The following CLUL1 variants were observed in gnomAD, a reference collection of about 807,000 sequenced individuals.
The protein encoded by CLUL1 is clusterin-like protein 1.
A neutral mutation model predicts 49.4 loss-of-function variants in CLUL1; 43 were observed. The ratio of observed to expected loss-of-function variants is 0.87; its 90% confidence interval spans 0.68 to 1.12. The LOEUF is 1.12. Ranked by LOEUF, CLUL1 falls within the 50% of genes most tolerant of loss-of-function variation. The pLI is 0.00. For missense variants in CLUL1, 486 were observed against 544.4 expected, an observed-to-expected ratio of 0.89 and a Z score of 1.07; for synonymous variants, 192 against 184.9, an observed-to-expected ratio of 1.04 and a Z score of -0.31.
intron 9 of CLUL1, among the ~76,000 whole-genome samples, chr18:647,280 G>A (rs1179291771): frequency 6.6e-6 from 1 of 152,160 alleles, no homozygotes; most frequent in African/African-American, 2.4e-5. Context: ...GTGCTGGGAA[G>A]TCCTGCTAAA....
chr18:607,154 G>A, intron 2 of CLUL1, 55 bp downstream of exon 2: 2 of 699,052 alleles, frequency 2.9e-6, no homozygotes, highest in Non-Finnish European at 5.2e-6. Flanking sequence ...TAGAGACAGA[G>A]TCTAGCTCTG....
chr18:609,823 C>CAAAAA (rs10550407), intron 2 of CLUL1, among the ~76,000 whole-genome samples: 3 of 100,738 alleles, frequency 3.0e-5, no homozygotes, highest in African/African-American at 7.4e-5. Context: ...GACTCTGTCT[C>CAAAAA]AAAAAAAAAA....
chr18:627,748 T>A (rs2073853770), intron 6 of CLUL1, among the ~76,000 whole-genome samples: 1 of 151,972 alleles, frequency 6.6e-6, no homozygotes, highest in African/African-American at 2.4e-5. Context: ...CTAGAGCAAA[T>A]TTTCAAAGCA....
intron 1 of CLUL1, among the ~76,000 whole-genome samples, chr18:602,513 A>G (rs1776878847): frequency 6.6e-6 from 1 of 152,164 alleles, no homozygotes; most frequent in African/African-American, 2.4e-5. Flanking sequence ...GGGTTCCTGT[A>G]TCCAATAACA....
intron 1 of CLUL1, among the ~76,000 whole-genome samples, chr18:604,493 T>C (rs1179292788): frequency 6.6e-6 from 1 of 152,256 alleles, no homozygotes; most frequent in Non-Finnish European, 1.5e-5. Flanking sequence ...CAATGCAATG[T>C]GCAGCCAGCA....
intron 1 of CLUL1, among the ~76,000 whole-genome samples, chr18:602,832 A>G (rs2143922408): frequency 6.6e-6 from 1 of 152,320 alleles, no homozygotes; most frequent in East Asian, 1.9e-4. Flanking sequence ...AGGAGGGAAA[A>G]TAAACTACTG....
chr18:606,644 G>A lies in CLUL1; in HGVS notation c.-135-334G>A, dbSNP rs1170340987. Among the ~76,000 whole-genome samples, 4 of 152,014 alleles carry A rather than the reference G, an allele frequency of 2.6e-5. No homozygotes were observed. The highest frequency in any genetic ancestry group is 1.9e-4 in the East Asian group (1 of 5,180). ...CAGGGCTCGCCCCAGAACAACCACC[G>A]GCTTCTTTCAGTGTAGCCAAAAGGC... is the stretch of plus-strand genomic sequence containing the variant. On this transcript the variant is annotated intron_variant, in intron 1 of 9. Transcript: ENST00000692774. This position sits in a 1 kb window ranked among gnomAD's most constrained non-coding sequence, Gnocchi z 4.1.
rs539838846 is a variant in CLUL1, at chr18:649,733, T to C, written c.1398-165T>C. On this transcript the variant is annotated intron_variant, in intron 9 of 9. Coordinates refer to ENST00000692774, the MANE Select transcript of CLUL1 (RefSeq NM_001393344.1). ...TCAAATTGTTAAGAATATCCATGCATATGGGTTTCACATTATTTTGCTACA... is the reference window on the plus strand; with the variant it reads ...TCAAATTGTTAAGAATATCCATGCACATGGGTTTCACATTATTTTGCTACA... 108 of 557,348 alleles carry C rather than the reference T, an allele frequency of 1.9e-4. 1 individual carries two copies. Among genetic ancestry groups the C allele is most frequent in the Admixed American group, 3.4e-5 (1 of 29,724 alleles). 34.5% of individuals were successfully genotyped at this position (557,348 alleles called of 1,614,324 possible).
intron 5 of CLUL1, among the ~76,000 whole-genome samples, chr18:626,875 G>T (rs1337385654): frequency 0.092 from 21 of 228 alleles, no homozygotes; most frequent in Non-Finnish European, 0.38. Context: ...AAGAAAGAAA[G>T]AAAGAAAGAA....
chr18:634,793 C>A (rs146197388), intron 7 of CLUL1, among the ~76,000 whole-genome samples: 3 of 152,202 alleles, frequency 2.0e-5, no homozygotes, highest in African/African-American at 7.2e-5. Context: ...AGTTCCTTCC[C>A]CAGGAAGGAA....
At chr18:612,879 A>G (rs778171731) in intron 2 of CLUL1, 1 of 162,076 alleles carries the variant, frequency 6.2e-6, no homozygotes, top group Non-Finnish European at 1.3e-5. Context: ...CCAAGGGTTG[A>G]ACTTGCTGGA....
At chr18:600,962 G>A (rs1189313200) in intron 1 of CLUL1, among the ~76,000 whole-genome samples, 1 of 152,140 alleles carries the variant, frequency 6.6e-6, no homozygotes, top group Non-Finnish European at 1.5e-5. Flanking sequence ...GGGACAATGG[G>A]TACTAAAACC....
chr18:616,373 C>A (rs2073292631), intron 2 of CLUL1, among the ~76,000 whole-genome samples: 1 of 152,178 alleles, frequency 6.6e-6, no homozygotes, highest in East Asian at 1.9e-4. Context: ...AGAGTTTACT[C>A]ACTTTCACAT....
chr18:608,898 A>T (rs932617438), intron 2 of CLUL1, among the ~76,000 whole-genome samples: 2 of 152,226 alleles, frequency 1.3e-5, no homozygotes, highest in African/African-American at 4.8e-5. Context: ...TTATAATACC[A>T]TTATAATAAT....
intron 5 of CLUL1, 89 bp downstream of exon 5, chr18:625,121 C>G: frequency 1.5e-6 from 2 of 1,309,504 alleles, no homozygotes; most frequent in Non-Finnish European, 2.1e-6. Flanking sequence ...ATATTTAGAA[C>G]GGAGATGCCT....
chr18:629,444 G>C (rs1276728872), intron 6 of CLUL1, among the ~76,000 whole-genome samples: 1 of 152,136 alleles, frequency 6.6e-6, no homozygotes, highest in Non-Finnish European at 1.5e-5. Flanking sequence ...ACATTCCCAT[G>C]TGCACAGGAC....
intron 2 of CLUL1, among the ~76,000 whole-genome samples, chr18:607,483 G>A (rs1320830680): frequency 1.3e-5 from 2 of 152,114 alleles, no homozygotes; most frequent in Admixed American, 6.5e-5. Flanking sequence ...GCCTGGGCTG[G>A]AGTGTAGTGG....
chr18:630,048 T>C (rs1025901347), intron 6 of CLUL1, among the ~76,000 whole-genome samples: 1 of 152,132 alleles, frequency 6.6e-6, no homozygotes, highest in Admixed American at 6.5e-5. Flanking sequence ...ATTTATGTTA[T>C]GTGGCAAAGG....
chr18:622,580 G>A (rs1054290463), intron 4 of CLUL1, among the ~76,000 whole-genome samples: 17 of 152,322 alleles, frequency 1.1e-4, no homozygotes, highest in Middle Eastern at 3.4e-3. Context: ...ATATTCCTTA[G>A]GAATGTTTAC....
Sources: gnomAD v4.1 joint callset for allele counts (sites outside exome capture counted in the v4.1 genomes callset) on GRCh38, gnomAD v4.1.1 for gene constraint, Gnocchi (gnomAD v3.1) non-coding constraint, MANE v1.5 for transcripts, NCBI Gene and HGNC (gene_info 2026-07-23, HGNC 2026-07-21) for gene names.